PUDP: variants seen among roughly 807,000 people sequenced by gnomAD.
The protein encoded by PUDP is pseudouridine 5'-phosphatase.
In PUDP, 8 loss-of-function variants were observed where a neutral mutation model predicts 9.4. That is an observed-to-expected ratio of 0.85 (90% CI 0.50 to 1.53). The LOEUF (loss-of-function observed/expected upper bound fraction) is 1.53. Among genes scored for constraint, PUDP ranks in the 40% most tolerant of loss-of-function variants. PUDP has a pLI of 0.00. For synonymous variants in PUDP, 99 were observed against 80.7 expected (o/e 1.23, Z -1.22); for missense variants, 188 against 189.7 (o/e 0.99, Z 0.05).
At chrX:7,007,962 A>C (rs1929424232) in intron 1 of PUDP, among the ~76,000 whole-genome samples, 2 of 110,639 alleles carry the variant, frequency 1.8e-5, no homozygotes, top group African/African-American at 6.6e-5. Context: ...GATAATAATA[A>C]AATTTTTTTT....
At chrX:7,128,746 G>A (rs1932545408) in intron 1 of PUDP, among the ~76,000 whole-genome samples, 1 of 111,826 alleles carries the variant, frequency 8.9e-6, no homozygotes, top group African/African-American at 3.3e-5. Context: ...CTGGGGAAAT[G>A]TGTTCTAACT....
At chrX:7,023,804 CAA>C (rs1301404718) in intron 1 of PUDP, among the ~76,000 whole-genome samples, 9 of 111,834 alleles carry the variant, frequency 8.0e-5, no homozygotes, top group Non-Finnish European at 1.5e-4. Flanking sequence ...TTCTATTTTT[CAA>C]AGTTAAACAT....
At chrX:6,986,215 A>C (rs1929101095) in intron 1 of PUDP, among the ~76,000 whole-genome samples, 1 of 112,040 alleles carries the variant, frequency 8.9e-6, no homozygotes. Flanking sequence ...CAGAGTAGCC[A>C]TTCTTTTATT....
intron 1 of PUDP, among the ~76,000 whole-genome samples, chrX:7,007,069 G>C (rs373753816): frequency 2.7e-5 from 3 of 111,242 alleles, no homozygotes; most frequent in South Asian, 3.9e-4. Context: ...GAGACAATGA[G>C]CATTGCCAGG....
At chrX:6,889,220 G>C (rs1241100054) in intron 3 of PUDP, among the ~76,000 whole-genome samples, 1 of 112,229 alleles carries the variant, frequency 8.9e-6, no homozygotes, top group Non-Finnish European at 1.9e-5. Context: ...CTCTCTGCAT[G>C]AATGTGACAG....
chrX:6,793,606 T>C (rs1291804985), intron 3 of PUDP, among the ~76,000 whole-genome samples: 2 of 111,854 alleles, frequency 1.8e-5, no homozygotes, highest in African/African-American at 3.2e-5. Context: ...AGCTGAGCAA[T>C]ACAGAATGTA....
At chrX:6,902,779 G>A (rs1927710106) in intron 3 of PUDP, among the ~76,000 whole-genome samples, 1 of 111,633 alleles carries the variant, frequency 9.0e-6, no homozygotes, top group South Asian at 3.8e-4. Flanking sequence ...GGCCTGGTTT[G>A]CTTCAGTGTT....
At chrX:6,720,194 GTATATATATGTGTGTA>G (rs1924647926) in intron 1 of PUDP, among the ~76,000 whole-genome samples, 3 of 93,227 alleles carry the variant, frequency 3.2e-5, no homozygotes, top group South Asian at 4.9e-4. Context: ...ATACATATGT[GTATATATATGTGTGTA>G]TATATATATG....
At chrX:7,001,711 T>C (rs756595851) in intron 1 of PUDP, among the ~76,000 whole-genome samples, 2 of 111,330 alleles carry the variant, frequency 1.8e-5, no homozygotes, top group South Asian at 7.5e-4. Flanking sequence ...TTTTCTGATG[T>C]GTGGGAAAAT....
chrX:6,707,369 A>G (rs772626668), intron 1 of PUDP, among the ~76,000 whole-genome samples: 33 of 111,900 alleles, frequency 2.9e-4, no homozygotes, highest in Admixed American at 2.9e-4. Context: ...GCATGATTTC[A>G]GGATGATTCA....
chrX:6,985,574 T>C (rs1422766169), intron 1 of PUDP, among the ~76,000 whole-genome samples: 6 of 111,780 alleles, frequency 5.4e-5, no homozygotes, highest in African/African-American at 2.0e-4. Flanking sequence ...GGCAGAACTC[T>C]TGGTGGGCTT....
Position 7,148,094 on chromosome X carries a change from G to A in PUDP, c.20C>T (p.Pro7Leu). Residue 7 changes from proline to leucine, a missense_variant, in exon 1 of 4, where the codon CCC becomes CTC. Transcript: ENST00000381077. ...CATGTCAAAGATGAGGTGGGTGACG[G>A]GCTGCGGGGGCGCCGCCATGGTGGC... is the stretch of plus-strand genomic sequence containing the variant. Reference protein sequence around the residue: MAAPPQPVTHLIFDMDG... With the variant: MAAPPQLVTHLIFDMDG... The A allele has an allele frequency of 3.5e-6, 4 of 1,134,863 alleles. No individual in the cohort carries two copies. The highest frequency in any genetic ancestry group is 4.7e-6 in the Non-Finnish European group (4 of 855,940). 93.5% of individuals were successfully genotyped at this position (1,134,863 alleles called of 1,213,427 possible). A position where few individuals can be genotyped will look rare whatever the true frequency, so the allele number is the denominator to read the frequency against.
Position 7,062,887 on chromosome X carries a change from ATTTTTTT to A in PUDP, c.511-12422_511-12416del, listed in dbSNP as rs199914841. Reference sequence around the variant, plus strand: ...GATTATTCGAGAGCATGACTGCTTAATTTTTTTTTTTTTTTTTTTTTTTGGAAATCCA... The same window carrying A: ...GATTATTCGAGAGCATGACTGCTTAATTTTTTTTTTTTTTTTGGAAATCCA... On this transcript the variant is annotated intron_variant, in intron 3 of 3. Transcript: ENST00000381077. Among the ~76,000 whole-genome samples, 104 of 79,679 alleles carry A rather than the reference ATTTTTTT, an allele frequency of 1.3e-3. 1 individual carries two copies. In the East Asian group the frequency reaches 0.014, roughly 11 times the overall value. The allele number at this position is 79,679 out of a possible 115,157, so 69.2% of individuals were successfully genotyped here. A position where few individuals can be genotyped will look rare whatever the true frequency, so the allele number is the denominator to read the frequency against.
intron 1 of PUDP, among the ~76,000 whole-genome samples, chrX:7,001,830 A>G (rs763773304): frequency 4.5e-5 from 5 of 112,194 alleles, no homozygotes; most frequent in Non-Finnish European, 9.4e-5. Flanking sequence ...TGATTGAAAA[A>G]TTTAAATGCC....
intron 1 of PUDP, among the ~76,000 whole-genome samples, chrX:6,983,295 G>T (rs530596145): frequency 9.0e-6 from 1 of 111,349 alleles, no homozygotes; most frequent in Non-Finnish European, 1.9e-5. Context: ...ACAGTGAATC[G>T]GGAGTGTTGA....
intron 3 of PUDP, among the ~76,000 whole-genome samples, chrX:6,853,734 T>C (rs1183355323): frequency 8.9e-6 from 1 of 111,867 alleles, no homozygotes; most frequent in African/African-American, 3.2e-5. Flanking sequence ...ATATGTGGTC[T>C]TTTGTGTCTG....
intron 3 of PUDP, among the ~76,000 whole-genome samples, chrX:6,932,652 C>G (rs375699837): frequency 1.1e-4 from 12 of 111,734 alleles, no homozygotes; most frequent in Admixed American, 6.6e-4. Flanking sequence ...GTGCGCGAGC[C>G]GAAGCAGGGC....
chrX:6,908,416 C>T (rs748417787), intron 3 of PUDP, among the ~76,000 whole-genome samples: 1 of 112,068 alleles, frequency 8.9e-6, no homozygotes, highest in Admixed American at 9.5e-5. Context: ...ATGCACAAAG[C>T]TCACTGAAAG....
chrX:6,952,131 T>A (rs747308164), intron 3 of PUDP, among the ~76,000 whole-genome samples: 3 of 112,137 alleles, frequency 2.7e-5, no homozygotes, highest in Non-Finnish European at 5.6e-5. Context: ...ACACCCATTA[T>A]TGAGAAAATG....
Sources: allele counts gnomAD v4.1 joint callset (sites outside exome capture counted in the v4.1 genomes callset), GRCh38; gene constraint gnomAD v4.1.1; transcripts MANE v1.5; gene names NCBI Gene and HGNC (gene_info 2026-07-23, HGNC 2026-07-21).